The following LRMDA variants were observed in gnomAD, a reference collection of about 807,000 sequenced individuals.
The protein encoded by LRMDA is leucine-rich melanocyte differentiation-associated protein.
LRMDA carries 18 observed loss-of-function variants against 29.8 expected under a neutral mutation model. The observed-to-expected ratio is 0.60, with a 90% CI of 0.42 to 0.90. The LOEUF (loss-of-function observed/expected upper bound fraction) is 0.90, where lower values mean the gene tolerates loss of function less well. Among genes scored for constraint, LRMDA ranks in the 40% least tolerant of loss-of-function variants. The pLI is 0.00. For synonymous variants in LRMDA, 125 were observed against 109.4 expected, an observed-to-expected ratio of 1.14 and a Z score of -0.89; for missense variants, 273 against 273.9, an observed-to-expected ratio of 1.00 and a Z score of 0.02.
chr10:75,969,910 T>C lies in LRMDA; in HGVS notation c.132-66098T>C, dbSNP rs149067792. Among the ~76,000 whole-genome samples, 612 of 152,312 alleles carry C rather than the reference T, an allele frequency of 4.0e-3. 8 individuals carry two copies. Among genetic ancestry groups the C allele is most frequent in the African/African-American group, 0.014 (572 of 41,564 alleles). ...TCCAATGCTGATATCATAGACAGTA[T>C]TTGGGATATCTACTGTGTTTATCAA... On this transcript the variant is annotated intron_variant, in intron 2 of 6. Coordinates refer to ENST00000611255, the MANE Select transcript of LRMDA (RefSeq NM_001305581.2).
chr10:76,488,350 T>C (rs1842802482), intron 6 of LRMDA, among the ~76,000 whole-genome samples: 1 of 151,884 alleles, frequency 6.6e-6, no homozygotes, highest in Admixed American at 6.6e-5. Flanking sequence ...TGCCTCTGCC[T>C]CTGAGAAATC....
intron 2 of LRMDA, among the ~76,000 whole-genome samples, chr10:76,010,494 A>G (rs1847759236): frequency 6.6e-6 from 1 of 151,862 alleles, no homozygotes; most frequent in Admixed American, 6.6e-5. Flanking sequence ...TTGTATTTTT[A>G]GTAGAGATGG....
chr10:76,155,884 G>A (rs16932925), intron 5 of LRMDA, among the ~76,000 whole-genome samples: 21,729 of 152,124 alleles, frequency 0.14, 1,722 homozygotes, highest in East Asian at 0.24. Flanking sequence ...AATAGGAAAA[G>A]TATTTACTCT....
Position 76,305,451 on chromosome 10 carries a change from A to T in LRMDA, c.517-18950A>T, listed in dbSNP as rs576715077. On this transcript the variant is annotated intron_variant, in intron 5 of 6. Transcript: ENST00000611255. ...CTTTCTTTCATGGTCAGGACATTGG[A>T]CTGTCCTGAGCAAAACATATACCTA... is the stretch of plus-strand genomic sequence containing the variant. 2.6e-5 allele frequency among the ~76,000 whole-genome samples: 4 copies of T among 152,194 alleles called. No homozygotes were observed. In the South Asian group the frequency reaches 6.2e-4, roughly 24 times the overall value.
chr10:75,792,797 G>A (rs1455201084), intron 2 of LRMDA, among the ~76,000 whole-genome samples: 2 of 152,186 alleles, frequency 1.3e-5, no homozygotes, highest in Admixed American at 6.5e-5. Flanking sequence ...ATATCTGCTT[G>A]TAGGTTGTTA....
chr10:75,967,244 C>G (rs1846878127), intron 2 of LRMDA, among the ~76,000 whole-genome samples: 1 of 152,186 alleles, frequency 6.6e-6, no homozygotes, highest in South Asian at 2.1e-4. Flanking sequence ...TGCTGAACTC[C>G]CAATTAAATT....
chr10:76,489,228 A>G (rs191110599), intron 6 of LRMDA, among the ~76,000 whole-genome samples: 4 of 151,508 alleles, frequency 2.6e-5, no homozygotes, highest in African/African-American at 7.3e-5. Context: ...TTATTTCTTC[A>G]TGGTTCAATT....
At chr10:76,468,957 C>T (rs1179586742) in intron 6 of LRMDA, among the ~76,000 whole-genome samples, 2 of 152,268 alleles carry the variant, frequency 1.3e-5, no homozygotes, top group African/African-American at 4.8e-5. Context: ...GTGCGAGGAG[C>T]TCTGTGACCT....
At chr10:76,446,132 A>T (rs1404046681) in intron 6 of LRMDA, among the ~76,000 whole-genome samples, 1 of 152,172 alleles carries the variant, frequency 6.6e-6, no homozygotes, top group Non-Finnish European at 1.5e-5. Flanking sequence ...TCACAGTGTT[A>T]TACTATACCT....
chr10:76,019,701 G>C (rs7916065), intron 2 of LRMDA, among the ~76,000 whole-genome samples: 3,023 of 152,132 alleles, frequency 0.02, 69 homozygotes, highest in African/African-American at 0.06. Flanking sequence ...TTGTTTTCTA[G>C]TACATAAAAT....
At chr10:75,462,508 A>G (rs1844599504) in intron 2 of LRMDA, among the ~76,000 whole-genome samples, 1 of 152,224 alleles carries the variant, frequency 6.6e-6, no homozygotes, top group Non-Finnish European at 1.5e-5. Context: ...TACTGTATAA[A>G]GATAAAATGT....
At chr10:75,584,482 C>T (rs534363610) in intron 2 of LRMDA, among the ~76,000 whole-genome samples, 1 of 152,282 alleles carries the variant, frequency 6.6e-6, no homozygotes, top group Admixed American at 6.5e-5. Flanking sequence ...TTTGAGGACA[C>T]AGCCTGGTGC....
At chr10:76,506,689 T>C (rs188313253) in intron 6 of LRMDA, among the ~76,000 whole-genome samples, 4 of 152,114 alleles carry the variant, frequency 2.6e-5, no homozygotes, top group African/African-American at 9.6e-5. Context: ...GGCATAAGTA[T>C]TTTTTAGTTC....
chr10:75,989,084 G>A (rs1255043923), intron 2 of LRMDA, among the ~76,000 whole-genome samples: 3 of 151,586 alleles, frequency 2.0e-5, no homozygotes, highest in Non-Finnish European at 2.9e-5. Context: ...CTTCCATTGC[G>A]GGAATCCAAC....
intron 5 of LRMDA, among the ~76,000 whole-genome samples, chr10:76,131,664 T>G (rs1029497166): frequency 5.0e-5 from 5 of 99,562 alleles, no homozygotes; most frequent in Non-Finnish European, 1.2e-4. Context: ...ATTTTGATGG[T>G]TTTTTTTTTT....
chr10:75,442,957 T>C (rs1844346187), intron 2 of LRMDA, among the ~76,000 whole-genome samples: 1 of 152,140 alleles, frequency 6.6e-6, no homozygotes. Flanking sequence ...TTTATTCCTA[T>C]AAAATATTTT....
intron 2 of LRMDA, among the ~76,000 whole-genome samples, chr10:75,571,456 C>T (rs1423229600): frequency 6.6e-6 from 1 of 152,154 alleles, no homozygotes; most frequent in Non-Finnish European, 1.5e-5. Context: ...GCATTTCTTT[C>T]ATCCTTGCTG....
chr10:76,505,353 T>C (rs1842948295), intron 6 of LRMDA, among the ~76,000 whole-genome samples: 2 of 152,126 alleles, frequency 1.3e-5, no homozygotes, highest in Admixed American at 1.3e-4. Context: ...TGCCAGCCTG[T>C]CTAGCAAGAT....
intron 2 of LRMDA, among the ~76,000 whole-genome samples, chr10:75,671,855 A>G (rs1291941304): frequency 1.3e-5 from 2 of 152,186 alleles, no homozygotes; most frequent in Non-Finnish European, 2.9e-5. Context: ...TCTTCTTTCA[A>G]GAGGACACCG....
Sources: gnomAD v4.1 joint callset for allele counts (sites outside exome capture counted in the v4.1 genomes callset) on GRCh38, gnomAD v4.1.1 for gene constraint, MANE v1.5 for transcripts, NCBI Gene and HGNC (gene_info 2026-07-23, HGNC 2026-07-21) for gene names.